The following CIB1 variants were observed in gnomAD, a reference collection of about 807,000 sequenced individuals.
CIB1 encodes the protein calcium and integrin-binding protein 1.
CIB1 carries 19 observed loss-of-function variants against 25.0 expected under a neutral mutation model. The ratio of observed to expected loss-of-function variants is 0.76; its 90% confidence interval spans 0.53 to 1.12. The LOEUF is 1.12. Ranked by LOEUF, CIB1 falls within the 50% of genes most tolerant of loss-of-function variation. The pLI, the probability that CIB1 is intolerant of heterozygous loss-of-function variation, is 0.00. For synonymous variants in CIB1, 104 were observed against 98.5 expected (o/e 1.06, Z -0.33); for missense variants, 236 against 242.6 (o/e 0.97, Z 0.18).
the CIB1 span, among the ~76,000 whole-genome samples, chr15:90,252,935 G>T: frequency 6.6e-6 from 1 of 152,132 alleles, no homozygotes; most frequent in Non-Finnish European, 1.5e-5. Flanking sequence ...CCTGGGAGGC[G>T]GAGGTTGCAG....
the CIB1 span, chr15:90,256,106 C>T: frequency 6.2e-7 from 1 of 1,608,274 alleles, no homozygotes; most frequent in Non-Finnish European, 8.5e-7. Flanking sequence ...CCTTGATGCA[C>T]AGAAACCTTT....
At chr15:90,234,408 G>GC (rs1962588220), upstream of CIB1, 1 of 152,804 alleles carries the variant, frequency 6.5e-6, no homozygotes, top group South Asian at 2.1e-4. Flanking sequence ...GTCGTCGGCT[G>GC]CCCCTCTGCC....
chr15:90,249,409 C>T, the CIB1 span: 1 of 152,198 alleles, frequency 6.6e-6, no homozygotes, highest in African/African-American at 2.4e-5. Context: ...CGGCCAGCTC[C>T]AAAGGGCAAA....
the CIB1 span, among the ~76,000 whole-genome samples, chr15:90,251,880 T>G: frequency 6.6e-6 from 1 of 151,162 alleles, no homozygotes; most frequent in South Asian, 2.1e-4. Context: ...CCAGATTTTA[T>G]TTATTTATTT....
At chr15:90,259,834 GT>G in the CIB1 span, among the ~76,000 whole-genome samples, 5 of 152,186 alleles carry the variant, frequency 3.3e-5, no homozygotes, top group Non-Finnish European at 2.9e-5. Flanking sequence ...TGTAAAATGA[GT>G]TACAAACATG....
At chr15:90,250,784 G>A in the CIB1 span, 4 of 1,614,136 alleles carry the variant, frequency 2.5e-6, no homozygotes, top group Admixed American at 5.0e-5. Context: ...AAAAAATGGG[G>A]TTCCCTCACC....
At chr15:90,235,244 T>C (rs1596174704), upstream of CIB1, among the ~76,000 whole-genome samples, 1 of 152,164 alleles carries the variant, frequency 6.6e-6, no homozygotes, top group Non-Finnish European at 1.5e-5. Flanking sequence ...TAAGACACAC[T>C]GTATTAACAG....
the CIB1 span, chr15:90,241,577 C>G: frequency 2.5e-6 from 4 of 1,613,416 alleles, no homozygotes; most frequent in Non-Finnish European, 3.4e-6. Flanking sequence ...ATGGCTATTA[C>G]CTGGCCCACA....
At chr15:90,240,236 A>T in the CIB1 span, among the ~76,000 whole-genome samples, 1 of 150,892 alleles carries the variant, frequency 6.6e-6, no homozygotes, top group South Asian at 2.1e-4. Flanking sequence ...GGCCAGGTGC[A>T]GTGGCTCAGG....
the CIB1 span, chr15:90,253,388 G>C: frequency 6.3e-7 from 1 of 1,583,672 alleles, no homozygotes; most frequent in Non-Finnish European, 8.7e-7. Flanking sequence ...CCTGACCTGA[G>C]AGCCGACAGG....
Position 90,231,368 on chromosome 15 carries a change from A to T in CIB1, c.335T>A (p.Phe112Tyr), listed in dbSNP as rs776910503. The part of the protein sequence containing the change: ...ATPDIKSHYA[F>Y]RIFDFDDDGT... ...CTCCTGGTTCTCACCAAAGATGCGG[A>T]AGGCATAATGGGACTTGATGTCTGG... is the stretch of plus-strand genomic sequence containing the variant. Residue 112 changes from phenylalanine (F) to tyrosine (Y), a missense_variant, in exon 4 of 7, where the codon TTC (phenylalanine) becomes TAC (tyrosine). Phe to Tyr is a conservative substitution (Grantham distance 22). Transcript: ENST00000328649. 6.2e-7 allele frequency: 1 copy of T among 1,614,044 alleles called. No homozygotes were observed. The highest frequency in any genetic ancestry group is 8.5e-7 in the Non-Finnish European group (1 of 1,179,886).
At position 90,231,217 on chromosome 15, in the gene CIB1, G is replaced by A. The variant is rs757076488; in HGVS notation, c.347-4C>T. 2 of 403,928 alleles carry A rather than the reference G, an allele frequency of 5.0e-6. No individual in the cohort carries two copies. The highest frequency in any genetic ancestry group is 6.3e-6 in the Non-Finnish European group (2 of 315,036). The allele number at this position is 403,928 out of a possible 1,614,324, so 25.0% of individuals were successfully genotyped here. ...AAGGTTCCGTCATCATCAAAGTCTAGAGAGCAGACACAGGAAGCCAAAAGA... is the reference window on the plus strand; with the variant it reads ...AAGGTTCCGTCATCATCAAAGTCTAAAGAGCAGACACAGGAAGCCAAAAGA... On this transcript the variant is annotated splice_polypyrimidine_tract_variant and splice_region_variant and intron_variant, in intron 4 of 6. Coordinates refer to ENST00000328649, the MANE Select transcript of CIB1 (RefSeq NM_006384.4).
At chr15:90,241,754 C>T in the CIB1 span, 2 of 1,614,228 alleles carry the variant, frequency 1.2e-6, no homozygotes, top group Non-Finnish European at 1.7e-6. Context: ...ATCTGACTGA[C>T]CATGAGATTG....
upstream of CIB1, among the ~76,000 whole-genome samples, chr15:90,237,283 C>CTTTT (rs35595704): frequency 3.9e-3 from 441 of 113,234 alleles, 17 homozygotes; most frequent in South Asian, 0.012. Context: ...CTTTTTTTCC[C>CTTTT]TTTTTTTTTT....
At chr15:90,257,180 G>A in the CIB1 span, 29 of 1,613,800 alleles carry the variant, frequency 1.8e-5, no homozygotes, top group Admixed American at 2.7e-4. Flanking sequence ...GCGAGTCTAC[G>A]TCCTGATCAC....
the CIB1 span, chr15:90,258,772 C>T: frequency 2.5e-6 from 4 of 1,614,064 alleles, no homozygotes; most frequent in Non-Finnish European, 3.4e-6. Context: ...TTACCACGGA[C>T]TCATGCCTTG....
upstream of CIB1, among the ~76,000 whole-genome samples, chr15:90,234,923 A>G (rs1439775463): frequency 2.0e-5 from 3 of 152,162 alleles, no homozygotes; most frequent in Non-Finnish European, 2.9e-5. Context: ...GGGAGGAGGA[A>G]GTGGAGGTTG....
the CIB1 span, chr15:90,250,554 C>A: frequency 3.3e-6 from 5 of 1,518,632 alleles, no homozygotes; most frequent in South Asian, 2.6e-5. Context: ...TTCCTTCAGG[C>A]CTTCTAGGGC....
intron 1 of CIB1, 34 bp from the exon 2 acceptor site, chr15:90,233,737 C>T (rs377550980): frequency 4.6e-5 from 72 of 1,560,870 alleles, no homozygotes; most frequent in Admixed American, 4.2e-4. Context: ...GATTAGCGGA[C>T]CGCTGGGAGG....
Sources: gnomAD v4.1 joint callset for allele counts (sites outside exome capture counted in the v4.1 genomes callset) on GRCh38, gnomAD v4.1.1 for gene constraint, MANE v1.5 for transcripts, NCBI Gene and HGNC (gene_info 2026-07-23, HGNC 2026-07-21) for gene names.